USP37: variants seen among roughly 807,000 people sequenced by gnomAD.
USP37 encodes the protein ubiquitin specific peptidase 37, also known as ubiquitin carboxyl-terminal hydrolase 37.
In USP37, 27 loss-of-function variants were observed where a neutral mutation model predicts 124.0. That is an observed-to-expected ratio of 0.22 (90% CI 0.16 to 0.30). The LOEUF (loss-of-function observed/expected upper bound fraction) is 0.30. Ranked by LOEUF, USP37 falls within the 10% of genes least tolerant of loss-of-function variation. USP37 has a pLI of 1.00. For synonymous variants in USP37, 365 were observed against 388.0 expected, an observed-to-expected ratio of 0.94 and a Z score of 0.70; for missense variants, 889 against 1,140.4, an observed-to-expected ratio of 0.78 and a Z score of 3.17.
chr2:218,557,224 G>A (rs930202883), intron 4 of USP37, among the ~76,000 whole-genome samples: 2 of 152,068 alleles, frequency 1.3e-5, no homozygotes, highest in South Asian at 2.1e-4. Flanking sequence ...ACAAACGAAT[G>A]CTGAATGTAA....
rs192441227 is a variant in USP37, at chr2:218,465,621, G to C, written c.2466+389C>G. Among the ~76,000 whole-genome samples the C allele has an allele frequency of 1.6e-3, 244 of 152,214 alleles. 2 individuals are homozygous for C. Among genetic ancestry groups the C allele is most frequent in the African/African-American group, 5.6e-3 (231 of 41,540 alleles). ...AACCCAGGCTGGAGTGCAGTGGCGT[G>C]ATCTCAGCTCACTGCAACCTCTGCC... is the stretch of plus-strand genomic sequence containing the variant. On this transcript the variant is annotated intron_variant, in intron 21 of 25. Coordinates refer to ENST00000258399, the MANE Select transcript of USP37 (RefSeq NM_020935.3).
chr2:218,466,758 A>G lies in USP37; in HGVS notation c.2300-582T>C, dbSNP rs144731467. ...ATTCTTTTTTTTATTTTTTGGGGAC[A>G]GTGTCTTGCTCTCTCACCCAGGCTG... On this transcript the variant is annotated intron_variant, in intron 20 of 25. Transcript: ENST00000258399. 9.8e-3 allele frequency among the ~76,000 whole-genome samples: 1,489 copies of G among 152,160 alleles called. 10 individuals carry two copies. The highest frequency in any genetic ancestry group is 0.015 in the Non-Finnish European group (1,009 of 68,010).
intron 14 of USP37, among the ~76,000 whole-genome samples, chr2:218,495,037 G>A (rs1300114604): frequency 1.3e-5 from 2 of 151,520 alleles, no homozygotes; most frequent in Non-Finnish European, 2.9e-5. Context: ...AAAAGATGTA[G>A]AATGAAAAAA....
In USP37 at chr2:218,488,175, C is replaced by CAA. The variant is rs66581703; in HGVS notation, c.1590+127_1590+128dup. 3.9e-3 allele frequency: 1,355 copies of CAA among 349,192 alleles called. 5 individuals carry two copies. Among genetic ancestry groups the CAA allele is most frequent in the East Asian group, 0.015 (340 of 22,152 alleles). 21.6% of individuals were successfully genotyped at this position (349,192 alleles called of 1,614,324 possible). A position where few individuals can be genotyped will look rare whatever the true frequency, so the allele number is the denominator to read the frequency against. On this transcript the variant is annotated intron_variant, in intron 15 of 25. Transcript: ENST00000258399. ...AGGGTGACAAAGTGAGACCCTGTCTCAAAAAAAAAAAAAAAAAAAAAAGAA... is the reference window on the plus strand; with the variant it reads ...AGGGTGACAAAGTGAGACCCTGTCTCAAAAAAAAAAAAAAAAAAAAAAAAGAA...
At chr2:218,485,189 A>G (rs912662669) in intron 16 of USP37, among the ~76,000 whole-genome samples, 2 of 152,222 alleles carry the variant, frequency 1.3e-5, no homozygotes, top group Non-Finnish European at 2.9e-5. Context: ...TGAATTAAAA[A>G]TTGACTAGCT....
chr2:218,461,772 G>A (rs1425163039), intron 22 of USP37, among the ~76,000 whole-genome samples: 2 of 151,822 alleles, frequency 1.3e-5, no homozygotes, highest in East Asian at 3.9e-4. Flanking sequence ...TTGGGAGGCC[G>A]AGGCGGGTGG....
intron 16 of USP37, among the ~76,000 whole-genome samples, chr2:218,483,519 T>G (rs1691373577): frequency 6.7e-6 from 1 of 149,780 alleles, no homozygotes; most frequent in Non-Finnish European, 1.5e-5. Flanking sequence ...AAACTAATAT[T>G]AGGATTTGAC....
At chr2:218,522,607 C>T (rs1282118849) in intron 10 of USP37, among the ~76,000 whole-genome samples, 4 of 146,134 alleles carry the variant, frequency 2.7e-5, no homozygotes, top group African/African-American at 1.0e-4. Flanking sequence ...TTTGTATGGG[C>T]GGGGGTTCCA....
intron 11 of USP37, among the ~76,000 whole-genome samples, chr2:218,499,450 T>C (rs1689252541): frequency 1.3e-5 from 2 of 152,232 alleles, no homozygotes; most frequent in African/African-American, 4.8e-5. Context: ...TCAGAGTAAG[T>C]TGCATTTATT....
chr2:218,550,790 T>A (rs1225637447), intron 5 of USP37, among the ~76,000 whole-genome samples: 1 of 152,146 alleles, frequency 6.6e-6, no homozygotes, highest in African/African-American at 2.4e-5. Context: ...CTGAATTCTC[T>A]ATTTGCAGTT....
At chr2:218,553,152 C>T (rs1237924719) in intron 5 of USP37, among the ~76,000 whole-genome samples, 1 of 152,196 alleles carries the variant, frequency 6.6e-6, no homozygotes, top group African/African-American at 2.4e-5. Context: ...GGTATTCCTG[C>T]CTTGCTAATG....
chr2:218,560,100 T>C (rs576475832), intron 3 of USP37, among the ~76,000 whole-genome samples: 5 of 152,234 alleles, frequency 3.3e-5, no homozygotes, highest in Non-Finnish European at 5.9e-5. Flanking sequence ...ATTACAGTTA[T>C]AGCAAAGAAT....
Position 218,454,828 on chromosome 2 carries a change from C to T in USP37, c.*102G>A, listed in dbSNP as rs567391701. 38 of 1,540,904 alleles carry T rather than the reference C, an allele frequency of 2.5e-5. No homozygotes were observed. In the African/African-American group the frequency reaches 3.5e-4, roughly 14 times the overall value. Reference sequence around the variant, plus strand: ...TTTGGCCCTGAGCTGTTTGTTGCTCCCGCATCAAGTAGAATTCCAAATTCT... The same window carrying T: ...TTTGGCCCTGAGCTGTTTGTTGCTCTCGCATCAAGTAGAATTCCAAATTCT... On this transcript the variant is annotated 3_prime_UTR_variant, in exon 26 of 26. Coordinates refer to ENST00000258399, the MANE Select transcript of USP37 (RefSeq NM_020935.3).
At chr2:218,465,956 A>T in intron 21 of USP37, 54 bp downstream of exon 21, 2 of 1,557,176 alleles carry the variant, frequency 1.3e-6, no homozygotes, top group African/African-American at 2.8e-5. Flanking sequence ...TATTATTATT[A>T]TATTTCTCAG....
Position 218,463,798 on chromosome 2 carries a change from G to C in USP37, c.2467-432C>G, listed in dbSNP as rs1295262200. The stretch of plus-strand genomic sequence containing the variant: ...GATCCGCCCACCTCGGCTTCCCAAA[G>C]TGCTGGGATTACAAGTGTGAGCCAC... On this transcript the variant is annotated intron_variant, in intron 21 of 25. Coordinates refer to ENST00000258399, the MANE Select transcript of USP37 (RefSeq NM_020935.3). 3.3e-5 allele frequency among the ~76,000 whole-genome samples: 5 copies of C among 150,336 alleles called. No homozygotes were observed. In the East Asian group the frequency reaches 9.7e-4, roughly 29 times the overall value.
chr2:218,562,896 G>A, intron 1 of USP37, 83 bp from the exon 2 acceptor site: 1 of 389,944 alleles, frequency 2.6e-6, no homozygotes, highest in Non-Finnish European at 4.5e-6. Flanking sequence ...GGGCACGGTG[G>A]CTGACGCGAG....
chr2:218,489,904 A>G (rs1691831828), intron 14 of USP37, among the ~76,000 whole-genome samples: 1 of 152,150 alleles, frequency 6.6e-6, no homozygotes, highest in Non-Finnish European at 1.5e-5. Context: ...CATGATTGTA[A>G]TATTTAACTA....
intron 8 of USP37, among the ~76,000 whole-genome samples, chr2:218,544,460 G>C (rs1306155443): frequency 2.2e-5 from 3 of 136,440 alleles, no homozygotes; most frequent in Admixed American, 1.5e-4. Flanking sequence ...GAGAGAGAGA[G>C]ACCCCAATTC....
At chr2:218,541,124 ATTATT>A (rs1408165204) in intron 8 of USP37, among the ~76,000 whole-genome samples, 1 of 152,200 alleles carries the variant, frequency 6.6e-6, no homozygotes, top group Non-Finnish European at 1.5e-5. Context: ...CCCATTTGCC[ATTATT>A]TTTCAATAAC....
Sources: allele counts gnomAD v4.1 joint callset (sites outside exome capture counted in the v4.1 genomes callset), GRCh38; gene constraint gnomAD v4.1.1; transcripts MANE v1.5; gene names NCBI Gene and HGNC (gene_info 2026-07-23, HGNC 2026-07-21).